APCDD1L: variants seen among roughly 807,000 people sequenced by gnomAD.
APCDD1L encodes the protein APC down-regulated 1 like, also known as protein APCDD1-like.
In APCDD1L, 21 loss-of-function variants were observed where a neutral mutation model predicts 24.2. The ratio of observed to expected loss-of-function variants is 0.87; its 90% CI spans 0.61 to 1.25. The LOEUF is 1.25. Ranked by LOEUF, APCDD1L falls within the 50% of genes most tolerant of loss-of-function variation. The pLI is 0.00. For missense variants in APCDD1L, 704 were observed against 711.7 expected, an observed-to-expected ratio of 0.99 and a Z score of 0.12; for synonymous variants, 321 against 323.6, an observed-to-expected ratio of 0.99 and a Z score of 0.09.
At chr20:58,483,894 G>A (rs183690636) in intron 1 of APCDD1L, among the ~76,000 whole-genome samples, 119 of 152,306 alleles carry the variant, frequency 7.8e-4, no homozygotes, top group Non-Finnish European at 1.3e-3. Context: ...TGGAGAAGCC[G>A]GCCTCTGGAG....
chr20:58,513,466 C>A (rs964868284), intron 1 of APCDD1L, among the ~76,000 whole-genome samples: 2 of 152,172 alleles, frequency 1.3e-5, no homozygotes, highest in Non-Finnish European at 2.9e-5. Flanking sequence ...AGGCACCCTC[C>A]CCTGACCCTC....
At chr20:58,481,517 T>A (rs887709892) in intron 1 of APCDD1L, among the ~76,000 whole-genome samples, 2 of 152,064 alleles carry the variant, frequency 1.3e-5, no homozygotes, top group African/African-American at 4.8e-5. Context: ...CGCAGAAATA[T>A]TTAGGTTTTG....
chr20:58,474,499 C>G (rs541342816), intron 1 of APCDD1L, among the ~76,000 whole-genome samples: 2 of 152,208 alleles, frequency 1.3e-5, no homozygotes, highest in Admixed American at 1.3e-4. Context: ...AGGTCAGGAG[C>G]TTGTGACCAG....
chr20:58,506,074 C>G (rs1555296), intron 1 of APCDD1L, among the ~76,000 whole-genome samples: 113,378 of 151,998 alleles, frequency 0.75, 42,386 homozygotes, highest in East Asian at 0.81. Flanking sequence ...CTTCATAGTA[C>G]TTTGTTATGA....
At chr20:58,475,897 T>A (rs990257010) in intron 1 of APCDD1L, among the ~76,000 whole-genome samples, 5 of 152,324 alleles carry the variant, frequency 3.3e-5, no homozygotes, top group African/African-American at 1.2e-4. Flanking sequence ...TGTCTGCACC[T>A]GTGTCCAAAT....
intron 1 of APCDD1L, among the ~76,000 whole-genome samples, chr20:58,502,684 A>G (rs1416941570): frequency 6.6e-6 from 1 of 152,104 alleles, no homozygotes; most frequent in East Asian, 1.9e-4. Context: ...TTAGAATTTG[A>G]AGTAGAGAGA....
chr20:58,469,117 C>G (rs1989768176), intron 2 of APCDD1L, among the ~76,000 whole-genome samples: 1 of 152,058 alleles, frequency 6.6e-6, no homozygotes, highest in South Asian at 2.1e-4. Flanking sequence ...TTACAGTTAC[C>G]TTTAATTTAT....
At chr20:58,486,545 C>T (rs1025335830) in intron 1 of APCDD1L, among the ~76,000 whole-genome samples, 1 of 152,038 alleles carries the variant, frequency 6.6e-6, no homozygotes, top group South Asian at 2.1e-4. Context: ...AGAGGAGATG[C>T]AATTGGTGAA....
intron 1 of APCDD1L, among the ~76,000 whole-genome samples, chr20:58,507,468 C>A (rs769455866): frequency 6.6e-6 from 1 of 152,048 alleles, no homozygotes; most frequent in African/African-American, 2.4e-5. Context: ...GTCTTTCTCC[C>A]TCTCCCTGAC....
intron 2 of APCDD1L, among the ~76,000 whole-genome samples, chr20:58,468,454 T>C (rs1398086637): frequency 1.3e-5 from 2 of 152,114 alleles, no homozygotes; most frequent in African/African-American, 4.8e-5. Context: ...AGGAGGCCTC[T>C]GGGACTTCCT....
intron 1 of APCDD1L, among the ~76,000 whole-genome samples, chr20:58,500,425 G>A (rs1238805695): frequency 6.6e-6 from 1 of 152,036 alleles, no homozygotes; most frequent in Non-Finnish European, 1.5e-5. Context: ...GGTCATATCC[G>A]GCCCCGCTCT....
At chr20:58,481,655 T>C (rs944530380) in intron 1 of APCDD1L, among the ~76,000 whole-genome samples, 2 of 152,148 alleles carry the variant, frequency 1.3e-5, no homozygotes, top group Non-Finnish European at 2.9e-5. Flanking sequence ...CGAGCTGTTC[T>C]TGGGAGCTTC....
chr20:58,488,578 T>G (rs768431154), intron 1 of APCDD1L, among the ~76,000 whole-genome samples: 40 of 152,332 alleles, frequency 2.6e-4, no homozygotes, highest in Non-Finnish European at 4.9e-4. Context: ...TTCAAACATT[T>G]CTATGTGTTT....
At chr20:58,490,941 A>G (rs1990214438) in intron 1 of APCDD1L, among the ~76,000 whole-genome samples, 1 of 152,256 alleles carries the variant, frequency 6.6e-6, no homozygotes, top group Admixed American at 6.5e-5. Context: ...CATTATGTCC[A>G]TGTTGGGTCT....
At chr20:58,485,821 C>T (rs904508236) in intron 1 of APCDD1L, among the ~76,000 whole-genome samples, 1 of 152,276 alleles carries the variant, frequency 6.6e-6, no homozygotes, top group Middle Eastern at 3.4e-3. Flanking sequence ...GTAGGGAAGC[C>T]TCTGAGTTCT....
rs1409746670 is a variant in APCDD1L at position 58,461,393 on chromosome 20, G to C, written c.903C>G (p.Leu301=). The C allele has an allele frequency of 1.9e-6, 3 of 1,555,118 alleles. No homozygotes were observed. Among genetic ancestry groups the C allele is most frequent in the Non-Finnish European group, 2.6e-6 (3 of 1,146,196 alleles). ...VRPAVLFLTR[L]FTFHGHSRSW... is the part of the protein sequence containing the mutation. ...AGCGGCTGTGCCCGTGGAAAGTGAA[G>C]AGCCGGGTGAGGAACAGGACTGCTG... The change falls in exon 4 of 4, where the codon CTC becomes CTG. Residue 301 remains leucine, a synonymous_variant. Transcript: ENST00000371149. The surrounding 1 kb of genome is among the most constrained non-coding windows in gnomAD (Gnocchi z 6.0).
intron 1 of APCDD1L, among the ~76,000 whole-genome samples, chr20:58,509,488 C>G (rs867941047): frequency 1.3e-5 from 2 of 152,138 alleles, no homozygotes; most frequent in Admixed American, 6.5e-5. Flanking sequence ...ATCTGTCAAA[C>G]GGGAGTGAAA....
intron 1 of APCDD1L, chr20:58,513,980 C>A: frequency 7.8e-7 from 1 of 1,282,490 alleles, no homozygotes; most frequent in Non-Finnish European, 1.0e-6. Context: ...TCAGTGGTGA[C>A]TGGGCCCCTG....
chr20:58,476,005 A>C (rs1178926119), intron 1 of APCDD1L, among the ~76,000 whole-genome samples: 1 of 152,124 alleles, frequency 6.6e-6, no homozygotes, highest in Admixed American at 6.5e-5. Context: ...TTACATCTGC[A>C]AAGACCCTAT....
Sources: gnomAD v4.1 joint callset for allele counts (sites outside exome capture counted in the v4.1 genomes callset) on GRCh38, gnomAD v4.1.1 for gene constraint, Gnocchi (gnomAD v3.1) non-coding constraint, MANE v1.5 for transcripts, NCBI Gene and HGNC (gene_info 2026-07-23, HGNC 2026-07-21) for gene names.